The following CNTNAP2 variants were observed in gnomAD, a reference collection of about 807,000 sequenced individuals.
The protein encoded by CNTNAP2 is contactin-associated protein-like 2.
A neutral mutation model predicts 155.2 loss-of-function variants in CNTNAP2; 98 were observed. The ratio of observed to expected loss-of-function variants is 0.63; its 90% CI spans 0.54 to 0.75. The LOEUF is 0.75. CNTNAP2 is among the 30% of genes least tolerant of loss of function. The pLI is 0.00. For synonymous variants in CNTNAP2, 651 were observed against 631.2 expected (o/e 1.03, Z -0.47); for missense variants, 1,727 against 1,688.1 (o/e 1.02, Z -0.40).
chr7:147,847,717 TC>T (rs1249997697), intron 13 of CNTNAP2, among the ~76,000 whole-genome samples: 1 of 37,634 alleles, frequency 2.7e-5, no homozygotes, highest in Non-Finnish European at 5.0e-5. Flanking sequence ...TTTTTCCCCA[TC>T]TTTGTGGTTT....
chr7:148,408,938 A>G (rs1377411957), intron 22 of CNTNAP2, among the ~76,000 whole-genome samples: 1 of 152,248 alleles, frequency 6.6e-6, no homozygotes, highest in Non-Finnish European at 1.5e-5. Flanking sequence ...CATGAAAAAT[A>G]CAAGTTTAAA....
chr7:147,355,358 A>T (rs919583793), intron 9 of CNTNAP2, among the ~76,000 whole-genome samples: 4 of 152,104 alleles, frequency 2.6e-5, no homozygotes, highest in Non-Finnish European at 5.9e-5. Context: ...TAGAATCGGT[A>T]TCCTAACGTT....
At chr7:146,445,454 A>G (rs556057643) in intron 1 of CNTNAP2, among the ~76,000 whole-genome samples, 5 of 152,326 alleles carry the variant, frequency 3.3e-5, no homozygotes, top group African/African-American at 1.2e-4. Flanking sequence ...TAGAGCAAGC[A>G]ATTTCACATG....
At chr7:147,349,564 A>C (rs1041722382) in intron 9 of CNTNAP2, among the ~76,000 whole-genome samples, 1 of 151,892 alleles carries the variant, frequency 6.6e-6, no homozygotes, top group African/African-American at 2.4e-5. Context: ...TAACATTCCA[A>C]ATTAAATGAG....
intron 9 of CNTNAP2, among the ~76,000 whole-genome samples, chr7:147,357,387 C>T (rs1796081985): frequency 6.6e-6 from 1 of 152,036 alleles, no homozygotes; most frequent in Admixed American, 6.6e-5. Context: ...AGCTCGGCTT[C>T]AGGAAGCATT....
chr7:147,035,415 G>T (rs1455645686), intron 3 of CNTNAP2, among the ~76,000 whole-genome samples: 1 of 152,146 alleles, frequency 6.6e-6, no homozygotes, highest in Admixed American at 6.5e-5. Flanking sequence ...TGTTAGCATG[G>T]GGAAAATAAA....
At chr7:147,723,541 C>A (rs951555310) in intron 13 of CNTNAP2, among the ~76,000 whole-genome samples, 16 of 151,586 alleles carry the variant, frequency 1.1e-4, no homozygotes, top group Admixed American at 1.1e-3. Context: ...GACTGATAGA[C>A]TTTTTGGCCC....
chr7:147,001,370 T>C (rs1222445924), intron 3 of CNTNAP2, among the ~76,000 whole-genome samples: 2 of 152,088 alleles, frequency 1.3e-5, no homozygotes, highest in African/African-American at 4.8e-5. Context: ...TGGGCACCTT[T>C]AAATGGAACA....
rs187413220 is a variant in CNTNAP2, at chr7:146,254,407, G to A, written c.97+137434G>A. On this transcript the variant is annotated intron_variant, in intron 1 of 23. Coordinates refer to ENST00000361727, the MANE Select transcript of CNTNAP2 (RefSeq NM_014141.6). ...TTGGCACATGCCATATTTAAATGTC[G>A]CCACTGCCTCATTCATACAGATCGT... Among the ~76,000 whole-genome samples, 377 of 152,186 alleles carry A rather than the reference G, an allele frequency of 2.5e-3. 4 individuals are homozygous for A. Among genetic ancestry groups the A allele is most frequent in the South Asian group, 6.2e-3 (30 of 4,832 alleles).
At chr7:147,309,613 C>T (rs1031567315) in intron 9 of CNTNAP2, among the ~76,000 whole-genome samples, 2 of 152,032 alleles carry the variant, frequency 1.3e-5, no homozygotes, top group African/African-American at 4.8e-5. Context: ...CACCTAGAAA[C>T]TCTGTGTCAA....
chr7:147,136,858 A>G (rs1801490393), intron 8 of CNTNAP2, among the ~76,000 whole-genome samples: 1 of 151,868 alleles, frequency 6.6e-6, no homozygotes, highest in Non-Finnish European at 1.5e-5. Flanking sequence ...TCAGTTCTAT[A>G]CTGATATTAT....
At chr7:146,392,015 A>T (rs1022291246) in intron 1 of CNTNAP2, among the ~76,000 whole-genome samples, 1 of 152,152 alleles carries the variant, frequency 6.6e-6, no homozygotes, top group African/African-American at 2.4e-5. Flanking sequence ...AATTCATACC[A>T]ATTTAATTGC....
At chr7:148,197,238 T>C (rs1330432535) in intron 18 of CNTNAP2, among the ~76,000 whole-genome samples, 1 of 152,214 alleles carries the variant, frequency 6.6e-6, no homozygotes, top group East Asian at 1.9e-4. Flanking sequence ...GATCTTTTAT[T>C]TTGAAATTTA....
intron 13 of CNTNAP2, among the ~76,000 whole-genome samples, chr7:147,667,953 A>G (rs529717904): frequency 1.6e-4 from 24 of 152,308 alleles, no homozygotes; most frequent in Admixed American, 7.8e-4. Flanking sequence ...GAAGATACTC[A>G]AGAGGTTCAT....
intron 1 of CNTNAP2, among the ~76,000 whole-genome samples, chr7:146,365,817 T>A (rs12703803): frequency 3.3e-5 from 5 of 152,008 alleles, no homozygotes; most frequent in Non-Finnish European, 7.4e-5. Context: ...GTCTATTAAC[T>A]TAATAAGCCA....
chr7:148,385,659 A>C (rs1220794989), intron 22 of CNTNAP2, among the ~76,000 whole-genome samples: 2 of 151,686 alleles, frequency 1.3e-5, no homozygotes, highest in Non-Finnish European at 2.9e-5. Context: ...GTTTGTTAAG[A>C]TCTGTGAGAT....
chr7:146,924,942 CA>C (rs1401397029), intron 3 of CNTNAP2, among the ~76,000 whole-genome samples: 2 of 151,308 alleles, frequency 1.3e-5, no homozygotes, highest in East Asian at 1.9e-4. Flanking sequence ...GAATGTCATG[CA>C]AAAAAAATTA....
At chr7:147,894,422 A>G (rs922014920) in intron 13 of CNTNAP2, among the ~76,000 whole-genome samples, 1 of 152,146 alleles carries the variant, frequency 6.6e-6, no homozygotes, top group Non-Finnish European at 1.5e-5. Context: ...AAATGTTACC[A>G]GAGAGCAGAG....
intron 20 of CNTNAP2, among the ~76,000 whole-genome samples, chr7:148,256,595 C>T (rs1796458190): frequency 6.6e-6 from 1 of 152,124 alleles, no homozygotes; most frequent in Admixed American, 6.5e-5. Flanking sequence ...GAAGAGGAAA[C>T]ACATACTGAA....
Sources: gnomAD v4.1 joint callset for allele counts (sites outside exome capture counted in the v4.1 genomes callset) on GRCh38, gnomAD v4.1.1 for gene constraint, MANE v1.5 for transcripts, NCBI Gene and HGNC (gene_info 2026-07-23, HGNC 2026-07-21) for gene names.